Variants in HIVEP1 observed in about 807,000 individuals in gnomAD.
HIVEP1 encodes the protein HIVEP zinc finger 1, also known as zinc finger protein 40.
HIVEP1 carries 36 observed loss-of-function variants against 180.0 expected under a neutral mutation model. The ratio of observed to expected loss-of-function variants is 0.20; its 90% CI spans 0.15 to 0.26. The LOEUF is 0.26. Among genes scored for constraint, HIVEP1 ranks in the 10% least tolerant of loss-of-function variants. HIVEP1 has a pLI of 1.00. For synonymous variants in HIVEP1, 1,239 were observed against 1,239.0 expected (o/e 1.00, Z 0.00); for missense variants, 3,143 against 3,268.7 (o/e 0.96, Z 0.94).
rs1255189667 is a variant in HIVEP1, at chr6:12,120,222, C to T, written c.427C>T (p.Leu143=). 1.2e-6 allele frequency: 2 copies of T among 1,614,108 alleles called. No individual in the cohort carries two copies. The highest frequency in any genetic ancestry group is 1.3e-5 in the African/African-American group (1 of 74,946). Residue 143 remains leucine (L), a synonymous_variant, in exon 4 of 9, where the codon CTG becomes TTG. Transcript: ENST00000379388. ...KPLFLQQPSE[L]RRWRSEGADP... is the part of the protein sequence containing the mutation. ...CTTGTTTCTGCAGCAACCATCTGAA[C>T]TGCGTAGATGGAGATCCGAAGGCGC...
intron 2 of HIVEP1, 128 bp downstream of exon 2, chr6:12,015,796 C>T: frequency 5.4e-6 from 4 of 740,356 alleles, no homozygotes; most frequent in Admixed American, 4.7e-5. Context: ...TTCTCTTGCT[C>T]ATTTCCAGCA....
Position 12,163,285 on chromosome 6 carries a change from C to A in HIVEP1, c.6981C>A (p.Ser2327Arg). ...GATTGCTCTCTCTTGTCATTTAGAG[C>A]CCATCATCTGTAAGACTTCCTCCTG... is the stretch of plus-strand genomic sequence containing the variant. ...MAGKAVAITQ[S>R]PSSVRLPPAA... Residue 2327 changes from serine (S) to arginine (R), a missense_variant and splice_region_variant, in exon 9 of 9, where the codon AGC becomes AGA. By Grantham distance (110) the Ser-to-Arg change is moderately radical (BLOSUM62 -1). Transcript: ENST00000379388. 1 of 1,611,512 alleles carries A rather than the reference C, an allele frequency of 6.2e-7. No individual in the cohort carries two copies. The highest frequency in any genetic ancestry group is 1.7e-5 in the Admixed American group (1 of 59,896).
Position 12,125,857 on chromosome 6 carries a change from G to A in HIVEP1, c.6062G>A (p.Ser2021Asn), listed in dbSNP as rs958183635. The change falls in exon 4 of 9, where the codon AGC becomes AAC. Residue 2021 changes from serine (S) to asparagine (N), a missense_variant. Coordinates refer to ENST00000379388, the MANE Select transcript of HIVEP1 (RefSeq NM_002114.4). ...TTGGTCTATTCAAGCAAGTGGAAAA[G>A]CAGCTTAAGCAAGGTACTTGAAATA... The part of the protein sequence containing the change: ...DLLVYSSKWK[S>N]SLSKRALGNQ... 8 of 1,591,744 alleles carry A rather than the reference G, an allele frequency of 5.0e-6. No individual in the cohort carries two copies. Among genetic ancestry groups the A allele is most frequent in the Middle Eastern group, 1.7e-4 (1 of 5,968 alleles).
chr6:12,146,695 A>G (rs1412772062), intron 7 of HIVEP1, among the ~76,000 whole-genome samples: 2 of 152,196 alleles, frequency 1.3e-5, no homozygotes, highest in African/African-American at 4.8e-5. Context: ...ATCCTCAGTA[A>G]TGATCATTCC....
downstream of HIVEP1, among the ~76,000 whole-genome samples, chr6:12,166,021 C>T (rs1336574212): frequency 6.6e-6 from 1 of 152,146 alleles, no homozygotes; most frequent in Non-Finnish European, 1.5e-5. Flanking sequence ...GATTAAGTAA[C>T]AAAATTCTCT....
intron 7 of HIVEP1, among the ~76,000 whole-genome samples, chr6:12,146,104 G>T (rs1447011329): frequency 6.6e-6 from 1 of 152,148 alleles, no homozygotes; most frequent in Non-Finnish European, 1.5e-5. Flanking sequence ...CTTGGCAGCA[G>T]CTTTCTATAA....
chr6:12,049,560 T>C (rs1341264575), intron 2 of HIVEP1, among the ~76,000 whole-genome samples: 1 of 152,240 alleles, frequency 6.6e-6, no homozygotes, highest in African/African-American at 2.4e-5. Context: ...GGCTCTTAGA[T>C]ATTTAGATTT....
At chr6:12,054,542 A>G (rs78530423) in intron 2 of HIVEP1, among the ~76,000 whole-genome samples, 1,683 of 152,314 alleles carry the variant, frequency 0.011, 33 homozygotes, top group African/African-American at 0.038. Flanking sequence ...ATCATACAGT[A>G]TATCTTTTGG....
At chr6:12,208,581 T>C in the HIVEP1 span, among the ~76,000 whole-genome samples, 3 of 152,158 alleles carry the variant, frequency 2.0e-5, no homozygotes, top group African/African-American at 4.8e-5. Flanking sequence ...CCCTAGTACT[T>C]CAGAGTATGA....
At chr6:12,152,038 C>G (rs926566236) in intron 7 of HIVEP1, among the ~76,000 whole-genome samples, 3 of 152,144 alleles carry the variant, frequency 2.0e-5, no homozygotes, top group African/African-American at 7.2e-5. Flanking sequence ...CACCTGTAAT[C>G]CCAGCTACTC....
intron 2 of HIVEP1, among the ~76,000 whole-genome samples, chr6:12,051,702 T>G (rs1770553406): frequency 7.1e-6 from 1 of 141,710 alleles, no homozygotes. Context: ...GGGAGGGTGG[T>G]ACATGAATGG....
intron 2 of HIVEP1, among the ~76,000 whole-genome samples, chr6:12,056,382 G>A (rs933850457): frequency 6.6e-6 from 1 of 152,124 alleles, no homozygotes; most frequent in Non-Finnish European, 1.5e-5. Context: ...TCCTTCAGTC[G>A]AATTCATAGC....
intron 2 of HIVEP1, among the ~76,000 whole-genome samples, chr6:12,017,556 C>G (rs952738844): frequency 6.6e-6 from 1 of 152,226 alleles, no homozygotes; most frequent in Admixed American, 6.5e-5. Context: ...CTCCGGCAGC[C>G]TGCTTTTATT....
intron 3 of HIVEP1, among the ~76,000 whole-genome samples, chr6:12,097,849 G>C (rs1174940419): frequency 6.6e-6 from 1 of 152,132 alleles, no homozygotes; most frequent in Non-Finnish European, 1.5e-5. Flanking sequence ...TGTCCTCACT[G>C]TGTTTAAGTT....
rs994880224 is a variant in HIVEP1 at position 12,162,205 on chromosome 6, T to C, written c.6978+276T>C. ...CACCCATTTATTTTTATTTGCTTTT[T>C]GAAAAATTTTTGAAATTAAAAAAAA... On this transcript the variant is annotated intron_variant, in intron 8 of 8. Coordinates refer to ENST00000379388, the MANE Select transcript of HIVEP1 (RefSeq NM_002114.4). 8.4e-5 allele frequency among the ~76,000 whole-genome samples: 10 copies of C among 119,294 alleles called. No individual in the cohort carries two copies. In the Admixed American group the frequency reaches 9.3e-4, roughly 11 times the overall value. The allele number at this position is 119,294 out of a possible 152,430, so 78.3% of individuals were successfully genotyped here. A position where few individuals can be genotyped will look rare whatever the true frequency, so the allele number is the denominator to read the frequency against.
At position 12,122,925 on chromosome 6, in the gene HIVEP1, C is replaced by G. The variant is rs1382597814; in HGVS notation, c.3130C>G (p.Gln1044Glu). 2 of 1,613,772 alleles carry G rather than the reference C, an allele frequency of 1.2e-6. No individual in the cohort carries two copies. ...AAGTGTTGGGGATGATGAAGAACTT[C>G]AGCAAAATGAAAGTGGAACATCTCC... ...MKSVGDDEELQQNESGTSPKS... is the reference protein window; with the variant it reads ...MKSVGDDEELEQNESGTSPKS... The change falls in exon 4 of 9, where the codon CAG (glutamine) becomes GAG (glutamate). Residue 1044 changes from glutamine (Q) to glutamate (E), a missense_variant. Physicochemically the swap from Gln to Glu is conservative, Grantham distance 29. Coordinates refer to ENST00000379388, the MANE Select transcript of HIVEP1 (RefSeq NM_002114.4).
chr6:12,139,545 A>C (rs1238546447), intron 7 of HIVEP1, among the ~76,000 whole-genome samples: 3 of 152,270 alleles, frequency 2.0e-5, no homozygotes, highest in African/African-American at 7.2e-5. Context: ...CGCCTCACCC[A>C]GGAAGCACAA....
rs1227355505 is a variant in HIVEP1, at chr6:12,161,691, A to T, written c.6740A>T (p.Asp2247Val). The change falls in exon 8 of 9, where the codon GAC becomes GTC. Residue 2247 changes from aspartate (D) to valine (V), a missense_variant. Transcript: ENST00000379388. ...CFSGVHTDPMDVLPRALLTRM... is the reference protein window; with the variant it reads ...CFSGVHTDPMVVLPRALLTRM... ...TCTGGGGTACACACGGACCCAATGG[A>T]CGTTCTGCCCAGGGCGCTGCTCACC... 6.2e-7 allele frequency: 1 copy of T among 1,614,152 alleles called. No homozygotes were observed. Among genetic ancestry groups the T allele is most frequent in the Admixed American group, 1.7e-5 (1 of 60,030 alleles).
At chr6:12,068,697 G>A (rs1460686527) in intron 2 of HIVEP1, among the ~76,000 whole-genome samples, 1 of 152,090 alleles carries the variant, frequency 6.6e-6, no homozygotes, top group Non-Finnish European at 1.5e-5. Context: ...ATATAAGCAA[G>A]CAGGCACTTA....
Sources: gnomAD v4.1 joint callset for allele counts (sites outside exome capture counted in the v4.1 genomes callset) on GRCh38, gnomAD v4.1.1 for gene constraint, MANE v1.5 for transcripts, NCBI Gene and HGNC (gene_info 2026-07-23, HGNC 2026-07-21) for gene names.